NPR2: variants seen among roughly 807,000 people sequenced by gnomAD.
NPR2 encodes atrial natriuretic peptide receptor 2.
NPR2 carries 49 observed loss-of-function variants against 120.7 expected under a neutral mutation model. The ratio of observed to expected loss-of-function variants is 0.41; its 90% CI spans 0.32 to 0.52. NPR2 has a LOEUF of 0.52. Among genes scored for constraint, NPR2 ranks in the 20% least tolerant of loss-of-function variants. The probability of loss-of-function intolerance (pLI) is 0.36; values close to 1 mark genes in which losing one functional copy is unlikely to be tolerated. For missense variants in NPR2, 931 were observed against 1,362.9 expected, an observed-to-expected ratio of 0.68 and a Z score of 4.99; for synonymous variants, 484 against 519.8, an observed-to-expected ratio of 0.93 and a Z score of 0.94.
intron 18 of NPR2, among the ~76,000 whole-genome samples, 161 bp downstream of exon 18, chr9:35,807,559 G>C (rs1828470553): frequency 6.6e-6 from 1 of 152,120 alleles, no homozygotes; most frequent in African/African-American, 2.4e-5. Flanking sequence ...GACAGATGTA[G>C]CTCCAGCACT....
chr9:35,808,958 A>G lies in NPR2; in HGVS notation c.2986+105A>G. Reference sequence around the variant, plus strand: ...TTAATCTGAGAGACCACAGTTCCTTAGTGTCGCATCCTCGGGCATATTTTG... The same window carrying G: ...TTAATCTGAGAGACCACAGTTCCTTGGTGTCGCATCCTCGGGCATATTTTG... On this transcript the variant is annotated intron_variant, in intron 20 of 21. Coordinates refer to ENST00000342694, the MANE Select transcript of NPR2 (RefSeq NM_003995.4). The surrounding 1 kb of genome is among the most constrained non-coding windows in gnomAD (Gnocchi z 4.0). The G allele has an allele frequency of 1.1e-6, 1 of 944,680 alleles. No individual in the cohort carries two copies. The highest frequency in any genetic ancestry group is 1.7e-6 in the Non-Finnish European group (1 of 574,570). 58.5% of individuals were successfully genotyped at this position (944,680 alleles called of 1,614,324 possible).
In NPR2 at chr9:35,800,756, A is replaced by T. The variant is rs1179336111; in HGVS notation, c.1266A>T (p.Gly422=). 6.2e-7 allele frequency: 1 copy of T among 1,614,016 alleles called. No individual in the cohort carries two copies. The highest frequency in any genetic ancestry group is 8.5e-7 in the Non-Finnish European group (1 of 1,180,012). Residue 422 remains glycine, a synonymous_variant, in exon 6 of 22, where the codon GGA becomes GGT. Transcript: ENST00000342694. The surrounding 1 kb of genome is among the most constrained non-coding windows in gnomAD (Gnocchi z 4.7). The part of the protein sequence containing the change: ...SGAEKQIWWT[G]RPIPWVKGAP... The stretch of plus-strand genomic sequence containing the variant: ...CTGAGAAGCAGATTTGGTGGACGGG[A>T]CGGCCTATTCCCTGGGTGAAGGGGG...
rs1258623221 is a variant in NPR2, at chr9:35,792,103, C to T, written c.-306C>T. On this transcript the variant is annotated 5_prime_UTR_variant, in exon 1 of 22. Coordinates refer to ENST00000342694, the MANE Select transcript of NPR2 (RefSeq NM_003995.4). Reference sequence around the variant, plus strand: ...TCTCAGCTTTAGATTTATCAGGCTTCTTCACCTCGCACTGTCCCCATCCTG... The same window carrying T: ...TCTCAGCTTTAGATTTATCAGGCTTTTTCACCTCGCACTGTCCCCATCCTG... The T allele has an allele frequency of 2.3e-4, 61 of 260,832 alleles. No homozygotes were observed. Among genetic ancestry groups the T allele is most frequent in the Non-Finnish European group, 3.0e-5 (4 of 134,344 alleles). The allele number at this position is 260,832 out of a possible 1,614,324, so 16.2% of individuals were successfully genotyped here.
At position 35,806,494 on chromosome 9, in the gene NPR2, G is replaced by A. The variant is rs1828391406; in HGVS notation, c.2475G>A (p.Glu825=). Reference sequence around the variant, plus strand: ...AGGAACGCACACAGGCCTATCTGGAGGAAAAACGCAAGGCTGAAGCTCTGC... The same window carrying A: ...AGGAACGCACACAGGCCTATCTGGAAGAAAAACGCAAGGCTGAAGCTCTGC... The part of the protein sequence containing the change: ...LVEERTQAYL[E]EKRKAEALLY... Residue 825 remains glutamate, a synonymous_variant, in exon 16 of 22, where the codon GAG becomes GAA. Coordinates refer to ENST00000342694, the MANE Select transcript of NPR2 (RefSeq NM_003995.4). The surrounding 1 kb of genome is among the most constrained non-coding windows in gnomAD (Gnocchi z 4.6). The A allele has an allele frequency of 3.1e-6, 5 of 1,614,064 alleles. No individual in the cohort carries two copies. The South Asian group carries it at 4.4e-5, about 14-fold the overall frequency.
Position 35,800,251 on chromosome 9 carries a change from T to A in NPR2, c.1123+94T>A, listed in dbSNP as rs1054758849. The A allele has an allele frequency of 4.3e-5, 61 of 1,418,782 alleles. No individual in the cohort carries two copies. The highest frequency in any genetic ancestry group is 5.8e-5 in the Non-Finnish European group (58 of 1,002,454). The allele number at this position is 1,418,782 out of a possible 1,614,324, so 87.9% of individuals were successfully genotyped here. ...GATGTCAGGATCACCACAGCTTTAGTGGGGGTTAGTGAATATGGCAGAGTT... is the reference window on the plus strand; with the variant it reads ...GATGTCAGGATCACCACAGCTTTAGAGGGGGTTAGTGAATATGGCAGAGTT... On this transcript the variant is annotated intron_variant, in intron 4 of 21. Coordinates refer to ENST00000342694, the MANE Select transcript of NPR2 (RefSeq NM_003995.4). The surrounding 1 kb of genome is among the most constrained non-coding windows in gnomAD (Gnocchi z 4.7).
Position 35,808,031 on chromosome 9 carries a change from A to C in NPR2, c.2713-478A>C. On this transcript the variant is annotated intron_variant, in intron 18 of 21. Coordinates refer to ENST00000342694, the MANE Select transcript of NPR2 (RefSeq NM_003995.4). This position sits in a 1 kb window ranked among gnomAD's most constrained non-coding sequence, Gnocchi z 4.0. ...AAATACTTAGTGTGTATTTCCTAAAAACTTCACTGTGTATTTCCTTAAAAC... is the reference window on the plus strand; with the variant it reads ...AAATACTTAGTGTGTATTTCCTAAACACTTCACTGTGTATTTCCTTAAAAC... The C allele has an allele frequency of 3.0e-6, 2 of 674,302 alleles. No homozygotes were observed. The highest frequency in any genetic ancestry group is 5.0e-5 in the East Asian group (2 of 40,036). 41.8% of individuals were successfully genotyped at this position (674,302 alleles called of 1,614,324 possible).
chr9:35,796,504 A>T (rs970231785), intron 2 of NPR2, among the ~76,000 whole-genome samples: 1 of 152,148 alleles, frequency 6.6e-6, no homozygotes, highest in Non-Finnish European at 1.5e-5. Context: ...CTATTTGTGG[A>T]AGAAAAGCCT....
intron 2 of NPR2, among the ~76,000 whole-genome samples, chr9:35,798,570 A>T (rs1430454641): frequency 6.6e-6 from 1 of 152,250 alleles, no homozygotes; most frequent in Non-Finnish European, 1.5e-5. Context: ...TATGGTCCAC[A>T]TGTACTTTCT....
rs1374929720 is a variant in NPR2, at chr9:35,805,002, C to T, written c.1888-509C>T. On this transcript the variant is annotated intron_variant, in intron 12 of 21. Transcript: ENST00000342694. This position sits in a 1 kb window ranked among gnomAD's most constrained non-coding sequence, Gnocchi z 4.9. ...TCTACCCCGACCTGCCCACCTCCCT[C>T]TAGTAGATCTTGTTCCTCCTCTACC... Among the ~76,000 whole-genome samples the T allele has an allele frequency of 6.6e-6, 1 of 151,538 alleles. No homozygotes were observed. The highest frequency in any genetic ancestry group is 1.5e-5 in the Non-Finnish European group (1 of 67,938).
chr9:35,800,648 G>C lies in NPR2; in HGVS notation c.1219-61G>C. 6.2e-7 allele frequency: 1 copy of C among 1,613,426 alleles called. No homozygotes were observed. The highest frequency in any genetic ancestry group is 8.5e-7 in the Non-Finnish European group (1 of 1,179,730). The stretch of plus-strand genomic sequence containing the variant: ...GGGGAGAAAAGCAGCGAAACAGCTG[G>C]GGTCTGGGGAGGAGGCTGGTGGGAG... On this transcript the variant is annotated intron_variant, in intron 5 of 21. Transcript: ENST00000342694. This position sits in a 1 kb window ranked among gnomAD's most constrained non-coding sequence, Gnocchi z 4.7.
intron 2 of NPR2, among the ~76,000 whole-genome samples, chr9:35,794,385 T>A (rs543967498): frequency 1.3e-3 from 194 of 152,326 alleles, no homozygotes; most frequent in African/African-American, 4.5e-3. Context: ...GGGAGAAAAG[T>A]TCAGGAAGAG....
chr9:35,801,495 C>T (rs768970051), intron 7 of NPR2, 148 bp from the exon 8 acceptor site: 7 of 866,878 alleles, frequency 8.1e-6, no homozygotes, highest in East Asian at 2.4e-5. Flanking sequence ...CCAGATATGC[C>T]GAGAATGCAG....
chr9:35,793,794 C>T, intron 1 of NPR2, 104 bp from the exon 2 acceptor site: 1 of 1,185,174 alleles, frequency 8.4e-7, no homozygotes, highest in Admixed American at 1.7e-5. Context: ...TTAGGGCACT[C>T]TCTTTCTTGC....
rs376400348 is a variant in NPR2 at position 35,809,265 on chromosome 9, G to A, written c.3078+18G>A. Reference sequence around the variant, plus strand: ...AAATGAAGGTGATGGCAGGCCATGGGGAGGGGGGCATGGAAAGGGAGGGTG... The same window carrying A: ...AAATGAAGGTGATGGCAGGCCATGGAGAGGGGGGCATGGAAAGGGAGGGTG... On this transcript the variant is annotated intron_variant, in intron 21 of 21. Transcript: ENST00000342694. The surrounding 1 kb of genome is among the most constrained non-coding windows in gnomAD (Gnocchi z 4.1). The A allele has an allele frequency of 5.0e-6, 8 of 1,612,910 alleles. No homozygotes were observed. The highest frequency in any genetic ancestry group is 5.1e-6 in the Non-Finnish European group (6 of 1,179,018).
At chr9:35,807,224 G>A (rs1379412834) in intron 17 of NPR2, 78 bp downstream of exon 17, 1 of 1,494,830 alleles carries the variant, frequency 6.7e-7, no homozygotes, top group Admixed American at 1.7e-5. Flanking sequence ...TAATAGGAAA[G>A]ATGAGTTTGT....
chr9:35,804,073 G>A (rs900460350), intron 12 of NPR2, among the ~76,000 whole-genome samples: 1 of 152,136 alleles, frequency 6.6e-6, no homozygotes, highest in Non-Finnish European at 1.5e-5. Context: ...AAATAAAAAG[G>A]AAGAATTCAT....
Position 35,794,031 on chromosome 9 carries a change from A to G in NPR2, c.801A>G (p.Thr267=), listed in dbSNP as rs765741670. The G allele has an allele frequency of 6.2e-7, 1 of 1,614,170 alleles. No homozygotes were observed. The highest frequency in any genetic ancestry group is 8.5e-7 in the Non-Finnish European group (1 of 1,180,024). Residue 267 remains threonine (T), a synonymous_variant, in exon 2 of 22, where the codon ACA becomes ACG. Transcript: ENST00000342694. ...VFGESLRAGP[T]RATGRPWQDN... is the part of the protein sequence containing the mutation. The stretch of plus-strand genomic sequence containing the variant: ...GGGAGAGTCTCCGTGCAGGCCCCAC[A>G]CGTGCTACAGGCCGGCCCTGGCAGG...
At position 35,802,486 on chromosome 9, in the gene NPR2, T is replaced by C; in HGVS notation, c.1711-17T>C. The C allele has an allele frequency of 6.8e-7, 1 of 1,476,980 alleles. No homozygotes were observed. Among genetic ancestry groups the C allele is most frequent in the Non-Finnish European group, 9.5e-7 (1 of 1,054,848 alleles). 91.5% of individuals were successfully genotyped at this position (1,476,980 alleles called of 1,614,324 possible). Reference sequence around the variant, plus strand: ...TCTTTCAATTTTCTTATCCTTCCCATTGTTTTTTTCTGCCAGATGAGAGAT... The same window carrying C: ...TCTTTCAATTTTCTTATCCTTCCCACTGTTTTTTTCTGCCAGATGAGAGAT... On this transcript the variant is annotated splice_polypyrimidine_tract_variant and intron_variant, in intron 10 of 21. Transcript: ENST00000342694. This position sits in a 1 kb window ranked among gnomAD's most constrained non-coding sequence, Gnocchi z 4.2.
Position 35,805,679 on chromosome 9 carries a change from C to T in NPR2, c.2047+9C>T. On this transcript the variant is annotated intron_variant, in intron 13 of 21. Transcript: ENST00000342694. This position sits in a 1 kb window ranked among gnomAD's most constrained non-coding sequence, Gnocchi z 4.9. Reference sequence around the variant, plus strand: ...CCATGCCCTCTATGCCAGTGAGGCCCACCCCCACAACCCACTTTTTATATT... The same window carrying T: ...CCATGCCCTCTATGCCAGTGAGGCCTACCCCCACAACCCACTTTTTATATT... 1.2e-6 allele frequency: 2 copies of T among 1,613,792 alleles called. No homozygotes were observed. The highest frequency in any genetic ancestry group is 1.7e-6 in the Non-Finnish European group (2 of 1,179,908).
Sources: allele counts gnomAD v4.1 joint callset (sites outside exome capture counted in the v4.1 genomes callset), GRCh38; gene constraint gnomAD v4.1.1; non-coding constraint Gnocchi (gnomAD v3.1); transcripts MANE v1.5; gene names NCBI Gene and HGNC (gene_info 2026-07-23, HGNC 2026-07-21).